WNK1: variants seen among roughly 807,000 people sequenced by gnomAD.
WNK1 encodes the protein WNK lysine deficient protein kinase 1.
A neutral mutation model predicts 222.8 loss-of-function variants in WNK1; 38 were observed. The observed-to-expected ratio is 0.17, with a 90% CI of 0.13 to 0.22. WNK1 has a LOEUF of 0.22. Ranked by LOEUF, WNK1 falls within the 10% of genes least tolerant of loss-of-function variation. The probability of loss-of-function intolerance (pLI) is 1.00; values close to 1 mark genes in which losing one functional copy is unlikely to be tolerated. For synonymous variants in WNK1, 1,090 were observed against 1,092.9 expected (o/e 1.00, Z 0.05); for missense variants, 2,348 against 2,918.4 (o/e 0.80, Z 4.50).
rs149652945 is a variant in WNK1 at position 811,498 on chromosome 12, C to T, written c.760-2144C>T. Among the ~76,000 whole-genome samples the T allele has an allele frequency of 3.1e-3, 477 of 152,150 alleles. 7 individuals carry two copies. Among genetic ancestry groups the T allele is most frequent in the African/African-American group, 0.011 (447 of 41,510 alleles). The stretch of plus-strand genomic sequence containing the variant: ...GATAATAAAATTTTGTGAGTCAGTT[C>T]GTCTCACAACATTTTTCTGAGGATT... On this transcript the variant is annotated intron_variant, in intron 1 of 27. Coordinates refer to ENST00000315939, the MANE Select transcript of WNK1 (RefSeq NM_018979.4).
chr12:853,450 A>G (rs1304871603), intron 4 of WNK1, among the ~76,000 whole-genome samples: 3 of 152,190 alleles, frequency 2.0e-5, no homozygotes, highest in African/African-American at 7.2e-5. Context: ...CTTTATACTC[A>G]GAGGTAGCCT....
chr12:865,915 C>T (rs1039938100), intron 8 of WNK1, among the ~76,000 whole-genome samples: 3 of 151,936 alleles, frequency 2.0e-5, no homozygotes, highest in Non-Finnish European at 2.9e-5. Flanking sequence ...AATGTTCCCC[C>T]ATGGAAGTAT....
At chr12:770,811 T>C (rs1942383303) in intron 1 of WNK1, among the ~76,000 whole-genome samples, 1 of 152,230 alleles carries the variant, frequency 6.6e-6, no homozygotes, top group Non-Finnish European at 1.5e-5. Context: ...TTTGCCAGCA[T>C]GTCCGGTAAT....
intron 9 of WNK1, among the ~76,000 whole-genome samples, chr12:877,211 G>A (rs1358821867): frequency 1.3e-5 from 2 of 152,032 alleles, no homozygotes; most frequent in East Asian, 1.9e-4. Context: ...TTATAGATAT[G>A]TGCCACCACG....
intron 1 of WNK1, among the ~76,000 whole-genome samples, chr12:789,641 T>TC (rs1241298748): frequency 6.7e-6 from 1 of 149,728 alleles, no homozygotes; most frequent in East Asian, 2.0e-4. Flanking sequence ...CAAGCAGTCC[T>TC]CCCACTGAGT....
chr12:890,338 C>T (rs1241744755), intron 21 of WNK1, 115 bp from the exon 22 acceptor site: 15 of 1,007,286 alleles, frequency 1.5e-5, no homozygotes, highest in Middle Eastern at 2.0e-4. Flanking sequence ...ATAAGTGTTT[C>T]ATCACATATA....
chr12:892,332 T>A (rs936866114), intron 22 of WNK1, among the ~76,000 whole-genome samples: 14 of 152,178 alleles, frequency 9.2e-5, no homozygotes, highest in African/African-American at 2.2e-4. Context: ...TATAGTCTCT[T>A]GCAACTTACT....
chr12:841,984 T>C (rs766534718), intron 4 of WNK1, among the ~76,000 whole-genome samples: 4 of 152,172 alleles, frequency 2.6e-5, no homozygotes, highest in African/African-American at 9.7e-5. Context: ...ATAGCATACA[T>C]GAAGGAGGAA....
intron 1 of WNK1, among the ~76,000 whole-genome samples, chr12:767,820 A>G (rs1169704664): frequency 6.6e-6 from 1 of 152,086 alleles, no homozygotes; most frequent in Non-Finnish European, 1.5e-5. Context: ...GCATACTTCT[A>G]CACACCTCTT....
intron 4 of WNK1, among the ~76,000 whole-genome samples, chr12:846,548 T>C (rs1389153056): frequency 6.6e-6 from 1 of 152,216 alleles, no homozygotes; most frequent in Admixed American, 6.5e-5. Context: ...TGTTTTCCAA[T>C]GGGATCATAG....
In WNK1 at chr12:907,856, G is replaced by A; in HGVS notation, c.6653G>A (p.Ser2218Asn). Residue 2218 changes from serine (S) to asparagine (N), a missense_variant, in exon 27 of 28, where the codon AGC becomes AAC. Ser to Asn is a conservative substitution (Grantham distance 46). Transcript: ENST00000315939. ...SLSAPGQGTS[S>N]TNTVGATVNS... ...CTGTTGCTTATAATAGGAACCAGCA[G>A]CACAAACACTGTTGGGGCAACAGTG... 1 of 1,613,688 alleles carries A rather than the reference G, an allele frequency of 6.2e-7. No homozygotes were observed. Among genetic ancestry groups the A allele is most frequent in the Non-Finnish European group, 8.5e-7 (1 of 1,180,024 alleles).
intron 1 of WNK1, among the ~76,000 whole-genome samples, chr12:755,156 C>T (rs1312958093): frequency 2.6e-5 from 4 of 152,148 alleles, no homozygotes; most frequent in African/African-American, 9.7e-5. Context: ...GTTTAAACAG[C>T]TGAGTTTGGG....
intron 1 of WNK1, among the ~76,000 whole-genome samples, chr12:767,164 A>C (rs1169863299): frequency 6.6e-6 from 1 of 151,236 alleles, no homozygotes; most frequent in Non-Finnish European, 1.5e-5. Context: ...TTGGACACAC[A>C]AGAGCTTATG....
intron 1 of WNK1, among the ~76,000 whole-genome samples, chr12:805,613 A>G (rs758488480): frequency 5.9e-5 from 9 of 152,196 alleles, no homozygotes; most frequent in East Asian, 3.8e-4. Context: ...GAGAGTATCT[A>G]TTTCAGTTAC....
chr12:756,836 A>G (rs1396598275), intron 1 of WNK1, among the ~76,000 whole-genome samples: 1 of 152,248 alleles, frequency 6.6e-6, no homozygotes, highest in Non-Finnish European at 1.5e-5. Flanking sequence ...TTTCTGAAGC[A>G]AGACAGGAGA....
rs564668247 is a variant in WNK1 at position 896,335 on chromosome 12, A to G, written c.5848A>G (p.Thr1950Ala). 10 of 1,614,198 alleles carry G rather than the reference A, an allele frequency of 6.2e-6. No individual in the cohort carries two copies. The African/African-American group carries it at 1.1e-4, about 17-fold the overall frequency. The change falls in exon 24 of 28, where the codon ACT (threonine) becomes GCT (alanine). Residue 1950 changes from threonine to alanine, a missense_variant. This residue lies in a region of WNK1 where 1,144 missense variants were observed against 1,273.6 expected (regional missense o/e 0.90). Transcript: ENST00000315939. ...CAAGGTTGGACGTTTTCAGGTGACAACTACAGCAAACAAAGTGGGTCGTTT... is the reference window on the plus strand; with the variant it reads ...CAAGGTTGGACGTTTTCAGGTGACAGCTACAGCAAACAAAGTGGGTCGTTT... ...PTKVGRFQVT[T>A]TANKVGRFSV...
At position 896,150 on chromosome 12, in the gene WNK1, G is replaced by T; in HGVS notation, c.5663G>T (p.Ser1888Ile). The T allele has an allele frequency of 6.2e-7, 1 of 1,614,190 alleles. No homozygotes were observed. Among genetic ancestry groups the T allele is most frequent in the Non-Finnish European group, 8.5e-7 (1 of 1,180,034 alleles). The stretch of plus-strand genomic sequence containing the variant: ...GCAAAGTCTGTTCATTTTGAATCCA[G>T]CACCTCAGAGTCCTCAGTGCTATCA... ...EDAKSVHFES[S>I]TSESSVLSSS... Residue 1888 changes from serine to isoleucine, a missense_variant, in exon 24 of 28, where the codon AGC becomes ATC. Ser to Ile is a moderately radical substitution (Grantham distance 142, BLOSUM62 -2). Coordinates refer to ENST00000315939, the MANE Select transcript of WNK1 (RefSeq NM_018979.4).
At chr12:800,680 G>A (rs907049467) in intron 1 of WNK1, among the ~76,000 whole-genome samples, 2 of 152,126 alleles carry the variant, frequency 1.3e-5, no homozygotes, top group Admixed American at 6.5e-5. Flanking sequence ...TGTATTTAGA[G>A]CTCATAGTAA....
chr12:883,697 T>G (rs911304345), intron 16 of WNK1, 77 bp from the exon 17 acceptor site: 3 of 1,598,578 alleles, frequency 1.9e-6, no homozygotes, highest in Non-Finnish European at 8.6e-7. Context: ...TATGTTCTCT[T>G]CACATGTGGC....
Sources: gnomAD v4.1 joint callset for allele counts (sites outside exome capture counted in the v4.1 genomes callset) on GRCh38, gnomAD v4.1.1 for gene constraint, gnomAD v4.1.1 regional missense constraint, MANE v1.5 for transcripts, NCBI Gene and HGNC (gene_info 2026-07-23, HGNC 2026-07-21) for gene names.